The following SNTG1 variants were observed in gnomAD, a reference collection of about 807,000 sequenced individuals.
The protein encoded by SNTG1 is gamma-1-syntrophin.
SNTG1 carries 39 observed loss-of-function variants against 74.7 expected under a neutral mutation model. That is an observed-to-expected ratio of 0.52 (90% CI 0.40 to 0.68). SNTG1 has a LOEUF of 0.68. Among genes scored for constraint, SNTG1 ranks in the 30% least tolerant of loss-of-function variants. The pLI is 0.00. For missense variants in SNTG1, 685 were observed against 609.5 expected, an observed-to-expected ratio of 1.12 and a Z score of -1.30; for synonymous variants, 254 against 217.1, an observed-to-expected ratio of 1.17 and a Z score of -1.49.
At chr8:50,239,350 T>G (rs948929765) in intron 2 of SNTG1, among the ~76,000 whole-genome samples, 5 of 152,140 alleles carry the variant, frequency 3.3e-5, no homozygotes, top group African/African-American at 1.2e-4. Context: ...TGTCTCACAG[T>G]TCTGCATGGC....
intron 2 of SNTG1, among the ~76,000 whole-genome samples, chr8:50,233,997 T>A (rs1435907252): frequency 2.6e-5 from 4 of 151,880 alleles, no homozygotes; most frequent in African/African-American, 7.2e-5. Context: ...TGGCATTTTT[T>A]AAAAATCAAA....
intron 2 of SNTG1, among the ~76,000 whole-genome samples, chr8:50,278,615 A>G (rs1358286651): frequency 2.0e-5 from 3 of 152,270 alleles, no homozygotes; most frequent in East Asian, 3.9e-4. Flanking sequence ...TCTCTCAATC[A>G]TATGTTTAGG....
intron 13 of SNTG1, among the ~76,000 whole-genome samples, chr8:50,600,458 A>T (rs1376863636): frequency 6.8e-6 from 1 of 147,232 alleles, no homozygotes; most frequent in African/African-American, 2.5e-5. Context: ...TTAGAGCTCC[A>T]ATCTCCTTCT....
intron 1 of SNTG1, among the ~76,000 whole-genome samples, chr8:50,045,413 C>T (rs1230640426): frequency 6.6e-6 from 1 of 152,120 alleles, no homozygotes; most frequent in Non-Finnish European, 1.5e-5. Flanking sequence ...TTTTAAACAA[C>T]CAATCTCATG....
chr8:50,670,831 G>T (rs1405819376), intron 15 of SNTG1, among the ~76,000 whole-genome samples: 4 of 151,152 alleles, frequency 2.6e-5, no homozygotes, highest in Admixed American at 6.6e-5. Context: ...CATGGTACTG[G>T]TACCAAAACA....
chr8:50,082,803 C>G (rs936737819), intron 1 of SNTG1, among the ~76,000 whole-genome samples: 2 of 152,292 alleles, frequency 1.3e-5, no homozygotes, highest in Middle Eastern at 3.4e-3. Context: ...TGGACACACA[C>G]AGTGACTCCC....
chr8:50,516,660 A>G (rs2094136439), intron 9 of SNTG1, among the ~76,000 whole-genome samples: 1 of 152,352 alleles, frequency 6.6e-6, no homozygotes, highest in East Asian at 1.9e-4. Context: ...ACAAGTATCA[A>G]TAGCCAAATT....
chr8:50,646,282 T>C (rs2095108682), intron 13 of SNTG1, among the ~76,000 whole-genome samples: 1 of 152,206 alleles, frequency 6.6e-6, no homozygotes, highest in Non-Finnish European at 1.5e-5. Flanking sequence ...GCAGCATCTC[T>C]GTCCTTTGGA....
At chr8:50,160,428 G>C (rs2082379283) in intron 1 of SNTG1, among the ~76,000 whole-genome samples, 1 of 152,138 alleles carries the variant, frequency 6.6e-6, no homozygotes, top group Non-Finnish European at 1.5e-5. Flanking sequence ...TTTCCAAGAA[G>C]AAAACCTCTC....
rs534056055 is a variant in SNTG1, at chr8:50,765,631, T to C, written c.1395+13520T>C. Reference sequence around the variant, plus strand: ...TAGTACTATGTTTATTTTTAAACTGTTAATGCCATTTTTTAAAAGAAAAAT... The same window carrying C: ...TAGTACTATGTTTATTTTTAAACTGCTAATGCCATTTTTTAAAAGAAAAAT... On this transcript the variant is annotated intron_variant, in intron 18 of 18. Coordinates refer to ENST00000642720, the MANE Select transcript of SNTG1 (RefSeq NM_018967.5). 2.6e-3 allele frequency among the ~76,000 whole-genome samples: 398 copies of C among 152,110 alleles called. 1 individual carries two copies. The highest frequency in any genetic ancestry group is 2.2e-3 in the Non-Finnish European group (150 of 67,942).
chr8:50,333,156 T>C (rs1034766817), intron 2 of SNTG1, among the ~76,000 whole-genome samples: 1 of 152,244 alleles, frequency 6.6e-6, no homozygotes, highest in African/African-American at 2.4e-5. Flanking sequence ...GTTCTGGCCC[T>C]GGCCCCATCA....
At chr8:50,012,038 T>G (rs1477121750) in intron 1 of SNTG1, among the ~76,000 whole-genome samples, 2 of 152,224 alleles carry the variant, frequency 1.3e-5, no homozygotes, top group African/African-American at 4.8e-5. Context: ...TTCAGCTTTT[T>G]GCACATTTAG....
At chr8:50,048,789 C>T (rs951414324) in intron 1 of SNTG1, among the ~76,000 whole-genome samples, 1 of 151,884 alleles carries the variant, frequency 6.6e-6, no homozygotes, top group African/African-American at 2.4e-5. Context: ...TAATATTTTA[C>T]CTCTGACCTG....
chr8:50,454,829 T>TAAAAAAAAAAAAAAAAAAAAAAAAAAA (rs1158732952), intron 8 of SNTG1, among the ~76,000 whole-genome samples: 1 of 95,144 alleles, frequency 1.1e-5, no homozygotes, highest in African/African-American at 4.4e-5. Flanking sequence ...CAGACAGAGC[T>TAAAAAAAAAAAAAAAAAAAAAAAAAAA]AAAAAAAAAA....
At chr8:50,505,129 C>T (rs900074608) in intron 9 of SNTG1, among the ~76,000 whole-genome samples, 1 of 152,092 alleles carries the variant, frequency 6.6e-6, no homozygotes, top group Non-Finnish European at 1.5e-5. Context: ...GCATAATGTC[C>T]TTAAGACTCA....
At chr8:50,231,741 C>A (rs2132067561) in intron 2 of SNTG1, among the ~76,000 whole-genome samples, 1 of 151,266 alleles carries the variant, frequency 6.6e-6, no homozygotes, top group Non-Finnish European at 1.5e-5. Context: ...AGATGATAAT[C>A]AAAGGGTACA....
intron 2 of SNTG1, among the ~76,000 whole-genome samples, chr8:50,285,409 G>T (rs1284149650): frequency 1.3e-5 from 2 of 152,088 alleles, no homozygotes; most frequent in Non-Finnish European, 2.9e-5. Flanking sequence ...TCATGCAACT[G>T]CACTCCAGCC....
At chr8:50,595,345 A>C (rs2094720365) in intron 13 of SNTG1, among the ~76,000 whole-genome samples, 1 of 152,072 alleles carries the variant, frequency 6.6e-6, no homozygotes, top group African/African-American at 2.4e-5. Flanking sequence ...AACTCTTGGA[A>C]AATCAACCAG....
chr8:50,003,174 A>G (rs904219707), intron 1 of SNTG1, among the ~76,000 whole-genome samples: 6 of 152,172 alleles, frequency 3.9e-5, no homozygotes, highest in Non-Finnish European at 8.8e-5. Flanking sequence ...GATTGTGGCA[A>G]TCATTGTACA....
Sources: gnomAD v4.1 joint callset for allele counts (sites outside exome capture counted in the v4.1 genomes callset) on GRCh38, gnomAD v4.1.1 for gene constraint, MANE v1.5 for transcripts, NCBI Gene and HGNC (gene_info 2026-07-23, HGNC 2026-07-21) for gene names.